Variants in ARHGAP12 observed in about 807,000 individuals in gnomAD.
The protein encoded by ARHGAP12 is Rho GTPase activating protein 12, also known as rho GTPase-activating protein 12.
In ARHGAP12, 64 loss-of-function variants were observed where a neutral mutation model predicts 108.6. That is an observed-to-expected ratio of 0.59 (90% CI 0.48 to 0.73). The LOEUF is 0.73. Among genes scored for constraint, ARHGAP12 ranks in the 30% least tolerant of loss-of-function variants. ARHGAP12 has a pLI of 0.00. For synonymous variants in ARHGAP12, 312 were observed against 337.2 expected (o/e 0.93, Z 0.82); for missense variants, 940 against 1,005.9 (o/e 0.93, Z 0.89).
chr10:31,917,349 T>C (rs536126131), intron 1 of ARHGAP12, among the ~76,000 whole-genome samples: 1 of 152,268 alleles, frequency 6.6e-6, no homozygotes, highest in South Asian at 2.1e-4. Flanking sequence ...GAGGTTGCAG[T>C]GAGCCAAGAT....
chr10:31,820,537 T>C, intron 11 of ARHGAP12, 49 bp from the exon 12 acceptor site: 1 of 1,079,660 alleles, frequency 9.3e-7, no homozygotes, highest in Non-Finnish European at 1.3e-6. Context: ...CTCACATATA[T>C]GTGTATTCAA....
At chr10:31,927,233 T>A (rs550264686) in intron 1 of ARHGAP12, among the ~76,000 whole-genome samples, 83,815 of 151,724 alleles carry the variant, frequency 0.55, 24,061 homozygotes, top group African/African-American at 0.71. Flanking sequence ...CAAGGCAAAA[T>A]AAAAATAGCC....
intron 11 of ARHGAP12, among the ~76,000 whole-genome samples, chr10:31,825,440 A>G (rs1198989795): frequency 6.6e-6 from 1 of 152,212 alleles, no homozygotes; most frequent in African/African-American, 2.4e-5. Flanking sequence ...CTTGAGCATT[A>G]GCACTTCAAA....
chr10:31,882,645 C>T (rs558404096), intron 3 of ARHGAP12, among the ~76,000 whole-genome samples: 152 of 150,540 alleles, frequency 1.0e-3, no homozygotes, highest in African/African-American at 3.4e-3. Context: ...AAACCCTGTC[C>T]CTACTAAAAA....
At chr10:31,851,849 C>G (rs926576714) in intron 6 of ARHGAP12, among the ~76,000 whole-genome samples, 1 of 152,048 alleles carries the variant, frequency 6.6e-6, no homozygotes, top group Admixed American at 6.6e-5. Context: ...CAACTGACAC[C>G]ACATATTTGT....
rs754169657 is a variant in ARHGAP12, at chr10:31,808,949, GA to G, written c.2263+44del. ...AATTGGGTGGCTTAATCTGTGCAAA[GA>G]ATTTTCAATATCTAGAAAAAACTGA... On this transcript the variant is annotated intron_variant, in intron 18 of 19. Transcript: ENST00000344936. The G allele has an allele frequency of 4.6e-6, 7 of 1,521,406 alleles. No individual in the cohort carries two copies. The South Asian group carries it at 8.6e-5, about 19-fold the overall frequency. 94.2% of individuals were successfully genotyped at this position (1,521,406 alleles called of 1,614,324 possible). A position where few individuals can be genotyped will look rare whatever the true frequency, so the allele number is the denominator to read the frequency against.
intron 3 of ARHGAP12, among the ~76,000 whole-genome samples, chr10:31,879,823 T>C (rs1191447806): frequency 6.6e-6 from 1 of 152,246 alleles, no homozygotes; most frequent in Admixed American, 6.5e-5. Flanking sequence ...TATTGGGATA[T>C]CCCATGCATT....
At chr10:31,889,619 GTTTTTT>G (rs869116452) in intron 3 of ARHGAP12, among the ~76,000 whole-genome samples, 3 of 66,420 alleles carry the variant, frequency 4.5e-5, no homozygotes, top group Non-Finnish European at 7.9e-5. Flanking sequence ...AATTTTTCTC[GTTTTTT>G]TTTTTTTTTT....
At chr10:31,843,368 T>C in intron 7 of ARHGAP12, 93 bp downstream of exon 7, 1 of 1,334,974 alleles carries the variant, frequency 7.5e-7, no homozygotes, top group Non-Finnish European at 1.0e-6. Context: ...TAGCAAAGAA[T>C]ATTTACTAAA....
rs912009182 is a variant in ARHGAP12, at chr10:31,893,157, T to C, written c.684+15015A>G. ...CCCACAAGAGAAAGCAGGAAAGATC[T>C]AAAATTGACACCCTAACATCACAAT... is the stretch of plus-strand genomic sequence containing the variant. On this transcript the variant is annotated intron_variant, in intron 3 of 19. Transcript: ENST00000344936. Among the ~76,000 whole-genome samples the C allele has an allele frequency of 2.9e-3, 440 of 152,248 alleles. 2 individuals are homozygous for C. The highest frequency in any genetic ancestry group is 9.7e-3 in the African/African-American group (404 of 41,540).
At chr10:31,861,314 A>G in intron 4 of ARHGAP12, 81 bp downstream of exon 4, 2 of 1,489,374 alleles carry the variant, frequency 1.3e-6, no homozygotes, top group Non-Finnish European at 9.0e-7. Context: ...AGTAAGAAAC[A>G]AAACTATTTA....
Position 31,907,819 on chromosome 10 carries a change from T to TA in ARHGAP12, c.684+352dup, listed in dbSNP as rs892063879. ...GGAACCAAGTCAAAATGGGTACAGG[T>TA]AAAAAAGAGTAAAAATTTTTTCTAT... On this transcript the variant is annotated intron_variant, in intron 3 of 19. Transcript: ENST00000344936. 1.9e-3 allele frequency among the ~76,000 whole-genome samples: 282 copies of TA among 152,168 alleles called. 2 individuals are homozygous for TA. The highest frequency in any genetic ancestry group is 6.6e-3 in the African/African-American group (276 of 41,530).
intron 1 of ARHGAP12, among the ~76,000 whole-genome samples, chr10:31,920,820 G>A (rs946253322): frequency 1.3e-5 from 2 of 151,938 alleles, no homozygotes; most frequent in African/African-American, 4.8e-5. Flanking sequence ...CCACATTCTC[G>A]GCCATGGAAC....
chr10:31,861,836 T>G (rs962906352), intron 3 of ARHGAP12, among the ~76,000 whole-genome samples, 178 bp from the exon 4 acceptor site: 1 of 152,102 alleles, frequency 6.6e-6, no homozygotes, highest in Non-Finnish European at 1.5e-5. Flanking sequence ...CATTGAAAAA[T>G]AAATAAAAGC....
intron 14 of ARHGAP12, among the ~76,000 whole-genome samples, chr10:31,813,564 A>G (rs1835094438): frequency 6.6e-6 from 1 of 152,192 alleles, no homozygotes; most frequent in Admixed American, 6.5e-5. Flanking sequence ...AATAGGCCTA[A>G]AGTTCATTAG....
rs186842174 is a variant in ARHGAP12 at position 31,842,860 on chromosome 10, C to G, written c.1296+601G>C. Among the ~76,000 whole-genome samples the G allele has an allele frequency of 4.3e-4, 65 of 152,154 alleles. No homozygotes were observed. The East Asian group carries it at 0.011, about 26-fold the overall frequency. On this transcript the variant is annotated intron_variant, in intron 7 of 19. Coordinates refer to ENST00000344936, the MANE Select transcript of ARHGAP12 (RefSeq NM_018287.7). ...TGAAGCTACACTGTGAATAAGTAACCTCTAAAGAAGTGTTTAAAACATCCA... is the reference window on the plus strand; with the variant it reads ...TGAAGCTACACTGTGAATAAGTAACGTCTAAAGAAGTGTTTAAAACATCCA...
chr10:31,882,217 T>A (rs1459933780), intron 3 of ARHGAP12, among the ~76,000 whole-genome samples: 2 of 152,214 alleles, frequency 1.3e-5, no homozygotes, highest in African/African-American at 2.4e-5. Flanking sequence ...AAACTAAGAA[T>A]AAACATCTAT....
intron 3 of ARHGAP12, among the ~76,000 whole-genome samples, chr10:31,887,780 C>G (rs112784055): frequency 0.24 from 35,723 of 151,464 alleles, 4,488 homozygotes; most frequent in Non-Finnish European, 0.29. Flanking sequence ...GCCTCAGCCT[C>G]CCAAGTAGCT....
chr10:31,920,594 T>C (rs1839764408), intron 1 of ARHGAP12, among the ~76,000 whole-genome samples: 1 of 152,144 alleles, frequency 6.6e-6, no homozygotes, highest in Non-Finnish European at 1.5e-5. Flanking sequence ...CAAATTGATT[T>C]TAACAAGAAT....
Sources: gnomAD v4.1 joint callset for allele counts (sites outside exome capture counted in the v4.1 genomes callset) on GRCh38, gnomAD v4.1.1 for gene constraint, MANE v1.5 for transcripts, NCBI Gene and HGNC (gene_info 2026-07-23, HGNC 2026-07-21) for gene names.